CNTLN: variants seen among roughly 807,000 people sequenced by gnomAD.
The protein encoded by CNTLN is centlein, centrosomal protein.
In CNTLN, 212 loss-of-function variants were observed where a neutral mutation model predicts 180.0. The observed-to-expected ratio is 1.18, with a 90% confidence interval of 1.05 to 1.32. CNTLN has a LOEUF of 1.32. Among genes scored for constraint, CNTLN ranks in the 40% most tolerant of loss-of-function variants. The pLI, the probability that CNTLN is intolerant of heterozygous loss-of-function variation, is 0.00. For synonymous variants in CNTLN, 722 were observed against 563.1 expected (o/e 1.28, Z -3.99); for missense variants, 2,095 against 1,610.9 (o/e 1.30, Z -5.14).
At chr9:17,306,396 G>C (rs1335803887) in intron 7 of CNTLN, among the ~76,000 whole-genome samples, 1 of 152,192 alleles carries the variant, frequency 6.6e-6, no homozygotes, top group Non-Finnish European at 1.5e-5. Flanking sequence ...TGATCCGCCA[G>C]CCTCGGTCTC....
chr9:17,439,426 G>A (rs1587995629), intron 18 of CNTLN, among the ~76,000 whole-genome samples: 3 of 152,010 alleles, frequency 2.0e-5, no homozygotes, highest in East Asian at 1.9e-4. Context: ...TATCTGATGC[G>A]AATTTATAGA....
chr9:17,195,461 A>T (rs1822070329), intron 2 of CNTLN, among the ~76,000 whole-genome samples: 1 of 152,154 alleles, frequency 6.6e-6, no homozygotes, highest in Non-Finnish European at 1.5e-5. Flanking sequence ...CTCAGAACGA[A>T]TACCAAAACA....
At chr9:17,395,163 G>A in intron 15 of CNTLN, 94 bp downstream of exon 15, 2 of 1,456,840 alleles carry the variant, frequency 1.4e-6, no homozygotes, top group Non-Finnish European at 9.1e-7. Context: ...CTGTCGATTT[G>A]GTATTCAGAA....
At chr9:17,486,007 A>G (rs1832871583) in intron 24 of CNTLN, among the ~76,000 whole-genome samples, 1 of 152,130 alleles carries the variant, frequency 6.6e-6, no homozygotes, top group South Asian at 2.1e-4. Context: ...CAGCACTGTA[A>G]TATGCATGTC....
chr9:17,496,819 A>G (rs953667845), intron 25 of CNTLN, among the ~76,000 whole-genome samples: 1 of 152,206 alleles, frequency 6.6e-6, no homozygotes, highest in African/African-American at 2.4e-5. Context: ...GAAGGAGCAT[A>G]CAAGGAATGG....
intron 8 of CNTLN, among the ~76,000 whole-genome samples, chr9:17,319,266 C>T (rs775956488): frequency 1.6e-4 from 25 of 152,186 alleles, no homozygotes; most frequent in Non-Finnish European, 2.2e-4. Flanking sequence ...TACATCCAAG[C>T]ATCCTAGGGT....
chr9:17,501,238 G>A (rs796414873), intron 25 of CNTLN, among the ~76,000 whole-genome samples: 92 of 152,310 alleles, frequency 6.0e-4, no homozygotes, highest in African/African-American at 2.1e-3. Context: ...AATATGTGAA[G>A]CTCCTGGGTT....
chr9:17,511,817 A>G, the CNTLN span, among the ~76,000 whole-genome samples: 15 of 152,258 alleles, frequency 9.9e-5, no homozygotes, highest in African/African-American at 3.4e-4. Context: ...AGGGGAGGCT[A>G]CTGGGGAAAT....
chr9:17,366,451 A>G (rs867313641), intron 12 of CNTLN, among the ~76,000 whole-genome samples, 166 bp from the exon 13 acceptor site: 5 of 152,072 alleles, frequency 3.3e-5, no homozygotes, highest in South Asian at 2.1e-4. Context: ...GCCTGTGAAT[A>G]TTATTGATTT....
At chr9:17,472,513 A>G (rs1832088866) in intron 23 of CNTLN, among the ~76,000 whole-genome samples, 1 of 152,004 alleles carries the variant, frequency 6.6e-6, no homozygotes, top group East Asian at 1.9e-4. Context: ...CAGCATCCTC[A>G]CTTCCAATGA....
intron 6 of CNTLN, among the ~76,000 whole-genome samples, chr9:17,285,070 T>G (rs866566948): frequency 2.0e-5 from 3 of 151,290 alleles, no homozygotes; most frequent in Non-Finnish European, 4.4e-5. Flanking sequence ...TAGTTACATA[T>G]GTATACATGT....
chr9:17,524,807 A>T, the CNTLN span, among the ~76,000 whole-genome samples: 1 of 152,212 alleles, frequency 6.6e-6, no homozygotes, highest in East Asian at 1.9e-4. Flanking sequence ...CTTGGCTTGT[A>T]TAATACATGT....
intron 18 of CNTLN, among the ~76,000 whole-genome samples, chr9:17,429,310 C>G (rs1051556003): frequency 6.6e-6 from 1 of 151,912 alleles, no homozygotes; most frequent in African/African-American, 2.4e-5. Context: ...AGAAGTTCCC[C>G]GTGATAGATT....
intron 5 of CNTLN, among the ~76,000 whole-genome samples, chr9:17,244,953 C>T (rs1221582586): frequency 6.6e-6 from 1 of 152,104 alleles, no homozygotes; most frequent in Non-Finnish European, 1.5e-5. Context: ...AATCTTCATC[C>T]TGTTTTGTAA....
chr9:17,173,541 C>T (rs887525564), intron 2 of CNTLN, among the ~76,000 whole-genome samples: 3 of 152,128 alleles, frequency 2.0e-5, no homozygotes, highest in East Asian at 1.9e-4. Flanking sequence ...AGGGTTAATC[C>T]GTGGCTGAAA....
intron 25 of CNTLN, among the ~76,000 whole-genome samples, chr9:17,493,548 C>T (rs1833284868): frequency 6.6e-6 from 1 of 152,136 alleles, no homozygotes; most frequent in African/African-American, 2.4e-5. Flanking sequence ...CCTATTCTTG[C>T]ACCTTGAAAA....
intron 12 of CNTLN, 55 bp from the exon 13 acceptor site, chr9:17,366,561 GA>G (rs1156627670): frequency 3.0e-5 from 25 of 822,746 alleles, no homozygotes; most frequent in African/African-American, 2.5e-4. Flanking sequence ...GTATATGTTT[GA>G]TTTTTTTAAA....
intron 2 of CNTLN, among the ~76,000 whole-genome samples, chr9:17,206,855 A>T (rs1469179834): frequency 2.0e-5 from 3 of 152,302 alleles, no homozygotes; most frequent in African/African-American, 4.8e-5. Flanking sequence ...AATCACAAAA[A>T]CAAGTTGACC....
chr9:17,294,743 G>A (rs1467276749), intron 6 of CNTLN, among the ~76,000 whole-genome samples: 8 of 126,260 alleles, frequency 6.3e-5, no homozygotes, highest in Non-Finnish European at 1.2e-4. Flanking sequence ...TCGTCGGGGA[G>A]GCTGTGGCTG....
Sources: gnomAD v4.1 joint callset for allele counts (sites outside exome capture counted in the v4.1 genomes callset) on GRCh38, gnomAD v4.1.1 for gene constraint, MANE v1.5 for transcripts, NCBI Gene and HGNC (gene_info 2026-07-23, HGNC 2026-07-21) for gene names.